Variants in CPQ observed in about 807,000 individuals in gnomAD.
The protein encoded by CPQ is carboxypeptidase Q, also known as Ser-Met dipeptidase.
In CPQ, 37 loss-of-function variants were observed where a neutral mutation model predicts 45.7. The observed-to-expected ratio is 0.81, with a 90% CI of 0.62 to 1.07. The LOEUF (loss-of-function observed/expected upper bound fraction) is 1.07, where lower values mean the gene tolerates loss of function less well. Among genes scored for constraint, CPQ ranks in the 50% least tolerant of loss-of-function variants. The probability of loss-of-function intolerance (pLI) is 0.00; values close to 1 mark genes in which losing one functional copy is unlikely to be tolerated. For synonymous variants in CPQ, 186 were observed against 205.8 expected, an observed-to-expected ratio of 0.90 and a Z score of 0.82; for missense variants, 537 against 572.9, an observed-to-expected ratio of 0.94 and a Z score of 0.64.
At chr8:97,011,073 C>T (rs189635215) in intron 5 of CPQ, among the ~76,000 whole-genome samples, 1 of 152,248 alleles carries the variant, frequency 6.6e-6, no homozygotes, top group East Asian at 1.9e-4. Flanking sequence ...GAGTCTTGAG[C>T]AGCTCTTCCA....
At chr8:96,851,332 A>T (rs1432596592) in intron 3 of CPQ, among the ~76,000 whole-genome samples, 1 of 152,244 alleles carries the variant, frequency 6.6e-6, no homozygotes, top group Non-Finnish European at 1.5e-5. Flanking sequence ...TGAGAAGTCC[A>T]GGTAGAGTAT....
chr8:96,691,069 C>A (rs979310943), intron 1 of CPQ, among the ~76,000 whole-genome samples: 2 of 145,906 alleles, frequency 1.4e-5, no homozygotes, highest in African/African-American at 5.6e-5. Context: ...AACAATTTAC[C>A]ATAAAACCAG....
At chr8:96,912,361 TG>T (rs1812675953) in intron 4 of CPQ, among the ~76,000 whole-genome samples, 1 of 152,210 alleles carries the variant, frequency 6.6e-6, no homozygotes, top group Admixed American at 6.5e-5. Flanking sequence ...TCTATTGTCT[TG>T]TATGCGAATG....
chr8:96,781,016 T>C (rs1453235054), intron 1 of CPQ, among the ~76,000 whole-genome samples: 1 of 152,172 alleles, frequency 6.6e-6, no homozygotes, highest in African/African-American at 2.4e-5. Flanking sequence ...CATGCTGGCT[T>C]ATTTTAGAAT....
chr8:97,133,537 A>T (rs1259271070), intron 7 of CPQ, among the ~76,000 whole-genome samples: 1 of 152,232 alleles, frequency 6.6e-6, no homozygotes, highest in Non-Finnish European at 1.5e-5. Context: ...CAAAAAATTT[A>T]TTCAATTCAT....
intron 4 of CPQ, among the ~76,000 whole-genome samples, chr8:96,959,003 A>G (rs1261450640): frequency 1.3e-5 from 2 of 152,094 alleles, no homozygotes; most frequent in Non-Finnish European, 2.9e-5. Context: ...CTGTATGTCA[A>G]GAGCTTAGCT....
intron 1 of CPQ, among the ~76,000 whole-genome samples, chr8:96,780,449 G>T (rs1431442745): frequency 6.6e-6 from 1 of 152,250 alleles, no homozygotes; most frequent in Non-Finnish European, 1.5e-5. Flanking sequence ...GAAGTTCAAT[G>T]CAGCTAGAGC....
At chr8:96,838,264 A>G (rs1269094747) in intron 3 of CPQ, among the ~76,000 whole-genome samples, 1 of 152,166 alleles carries the variant, frequency 6.6e-6, no homozygotes, top group African/African-American at 2.4e-5. Flanking sequence ...CAGTCACTTC[A>G]CACAATAGGA....
chr8:96,807,343 C>T (rs772693237), intron 2 of CPQ, among the ~76,000 whole-genome samples: 3 of 152,126 alleles, frequency 2.0e-5, no homozygotes, highest in Non-Finnish European at 4.4e-5. Flanking sequence ...ACGCCATTCT[C>T]CTGCCTCAGC....
At chr8:96,871,717 T>A (rs895642082) in intron 3 of CPQ, among the ~76,000 whole-genome samples, 1 of 151,832 alleles carries the variant, frequency 6.6e-6, no homozygotes, top group Non-Finnish European at 1.5e-5. Context: ...ATCTCTATCC[T>A]GTGTGTACTG....
intron 4 of CPQ, among the ~76,000 whole-genome samples, chr8:96,881,009 C>T (rs1205944442): frequency 2.6e-5 from 4 of 152,218 alleles, no homozygotes; most frequent in South Asian, 4.2e-4. Flanking sequence ...AATTCAACCT[C>T]GGAACAATTG....
chr8:96,923,409 A>C (rs1315568750), intron 4 of CPQ, among the ~76,000 whole-genome samples: 1 of 152,188 alleles, frequency 6.6e-6, no homozygotes, highest in Non-Finnish European at 1.5e-5. Flanking sequence ...ACCAGATTCT[A>C]GAACCTGTCC....
At chr8:96,759,819 C>T (rs1810375787) in intron 1 of CPQ, among the ~76,000 whole-genome samples, 2 of 152,134 alleles carry the variant, frequency 1.3e-5, no homozygotes, top group South Asian at 4.1e-4. Flanking sequence ...TGATCACTAC[C>T]ACTGAGTATT....
At chr8:96,710,148 T>G (rs937255613) in intron 1 of CPQ, among the ~76,000 whole-genome samples, 3 of 152,182 alleles carry the variant, frequency 2.0e-5, no homozygotes, top group Admixed American at 2.0e-4. Flanking sequence ...ACTTATCCAT[T>G]TCCTCTAGAT....
At chr8:96,681,625 T>G (rs1353050401) in intron 1 of CPQ, among the ~76,000 whole-genome samples, 1 of 152,200 alleles carries the variant, frequency 6.6e-6, no homozygotes, top group African/African-American at 2.4e-5. Context: ...ACAGAAACCC[T>G]ACTTCAGCAT....
In CPQ at chr8:96,860,955, A is replaced by T. The variant is rs140874487; in HGVS notation, c.642-18843A>T. Among the ~76,000 whole-genome samples the T allele has an allele frequency of 7.4e-3, 1,134 of 152,274 alleles. 13 individuals carry two copies. The Middle Eastern group carries it at 0.085, about 11-fold the overall frequency. On this transcript the variant is annotated intron_variant, in intron 3 of 7. Coordinates refer to ENST00000220763, the MANE Select transcript of CPQ (RefSeq NM_016134.4). ...ATGCTGGTTTATTTTGAATTTAAAAATGTATTTTGATTTTGTACTGACAGT... is the reference window on the plus strand; with the variant it reads ...ATGCTGGTTTATTTTGAATTTAAAATTGTATTTTGATTTTGTACTGACAGT...
intron 1 of CPQ, among the ~76,000 whole-genome samples, chr8:96,681,232 A>G (rs182078697): frequency 6.6e-6 from 1 of 152,372 alleles, no homozygotes; most frequent in African/African-American, 2.4e-5. Flanking sequence ...AGAAGTCTTC[A>G]TGGTAGCCCC....
At chr8:96,940,164 ATAAAT>A (rs1660318617) in intron 4 of CPQ, among the ~76,000 whole-genome samples, 1 of 152,088 alleles carries the variant, frequency 6.6e-6, no homozygotes, top group Non-Finnish European at 1.5e-5. Flanking sequence ...TCATCTACTA[ATAAAT>A]TATATTTAAA....
intron 1 of CPQ, among the ~76,000 whole-genome samples, chr8:96,691,922 T>C (rs1039262308): frequency 2.6e-5 from 4 of 152,096 alleles, no homozygotes; most frequent in African/African-American, 9.7e-5. Context: ...TAAATAACAG[T>C]GAAAATAGGT....
Sources: gnomAD v4.1 joint callset for allele counts (sites outside exome capture counted in the v4.1 genomes callset) on GRCh38, gnomAD v4.1.1 for gene constraint, MANE v1.5 for transcripts, NCBI Gene and HGNC (gene_info 2026-07-23, HGNC 2026-07-21) for gene names.